Variants in PARD3B observed in about 807,000 individuals in gnomAD.
The protein encoded by PARD3B is partitioning defective 3 homolog B.
In PARD3B, 103 loss-of-function variants were observed where a neutral mutation model predicts 130.2. That is an observed-to-expected ratio of 0.79 (90% CI 0.67 to 0.93). The LOEUF (loss-of-function observed/expected upper bound fraction) is 0.93. PARD3B is among the 40% of genes least tolerant of loss of function. The pLI, the probability that PARD3B is intolerant of heterozygous loss-of-function variation, is 0.00. For synonymous variants in PARD3B, 583 were observed against 553.2 expected (o/e 1.05, Z -0.76); for missense variants, 1,609 against 1,499.2 (o/e 1.07, Z -1.21).
At chr2:204,969,849 G>A (rs896305251) in intron 3 of PARD3B, among the ~76,000 whole-genome samples, 2 of 152,116 alleles carry the variant, frequency 1.3e-5, no homozygotes, top group African/African-American at 4.8e-5. Context: ...TGGAGGTGGA[G>A]AAAATGTCTT....
chr2:205,576,939 T>C (rs1188524786), intron 22 of PARD3B, among the ~76,000 whole-genome samples: 3 of 152,206 alleles, frequency 2.0e-5, no homozygotes, highest in Non-Finnish European at 4.4e-5. Flanking sequence ...GGAATGTCTC[T>C]CCATTTATTT....
intron 2 of PARD3B, among the ~76,000 whole-genome samples, chr2:204,725,749 AAAAC>A (rs760712436): frequency 7.9e-5 from 12 of 152,222 alleles, no homozygotes; most frequent in South Asian, 2.1e-4. Context: ...TGAGACTTAA[AAAAC>A]AAACAAACAA....
chr2:205,425,652 A>G (rs10210768), intron 19 of PARD3B, among the ~76,000 whole-genome samples: 16,817 of 152,154 alleles, frequency 0.11, 1,340 homozygotes, highest in African/African-American at 0.23. Context: ...CCACCTAGAC[A>G]AAGAACCAGT....
chr2:205,539,448 G>A (rs1169320699), intron 21 of PARD3B, among the ~76,000 whole-genome samples: 2 of 152,056 alleles, frequency 1.3e-5, no homozygotes, highest in African/African-American at 4.8e-5. Context: ...AACCTTTTAG[G>A]TATCATCCTC....
intron 2 of PARD3B, among the ~76,000 whole-genome samples, chr2:204,916,656 G>A (rs540510882): frequency 1.3e-5 from 2 of 151,816 alleles, no homozygotes; most frequent in South Asian, 4.2e-4. Context: ...TTTTTTTTAT[G>A]ATAAAAAAGA....
At chr2:205,085,576 C>G (rs1701694304) in intron 4 of PARD3B, among the ~76,000 whole-genome samples, 1 of 151,516 alleles carries the variant, frequency 6.6e-6, no homozygotes, top group Non-Finnish European at 1.5e-5. Context: ...TGATTTTTTC[C>G]TTTAAACAAG....
chr2:204,845,669 A>G lies in PARD3B; in HGVS notation c.223-119483A>G, dbSNP rs563757965. ...TTTCTTTCAATTCTGAGAACCTTAC[A>G]TAGGAGACCCCAACCTCTACATAGG... On this transcript the variant is annotated intron_variant, in intron 2 of 22. Coordinates refer to ENST00000406610, the MANE Select transcript of PARD3B (RefSeq NM_001302769.2). Among the ~76,000 whole-genome samples, 15 of 152,210 alleles carry G rather than the reference A, an allele frequency of 9.9e-5. No individual in the cohort carries two copies. In the East Asian group the frequency reaches 2.5e-3, roughly 26 times the overall value.
At chr2:205,487,892 G>T (rs1392725217) in intron 20 of PARD3B, among the ~76,000 whole-genome samples, 1 of 152,226 alleles carries the variant, frequency 6.6e-6, no homozygotes, top group African/African-American at 2.4e-5. Context: ...AGGCGTGAGT[G>T]TGTGCGTATT....
intron 1 of PARD3B, among the ~76,000 whole-genome samples, chr2:204,549,687 A>G (rs775898898): frequency 1.3e-5 from 2 of 152,174 alleles, no homozygotes; most frequent in South Asian, 4.1e-4. Flanking sequence ...ATTGGATTTT[A>G]AACTCTTTTG....
chr2:204,655,215 A>G (rs1278158448), intron 1 of PARD3B, among the ~76,000 whole-genome samples: 1 of 151,914 alleles, frequency 6.6e-6, no homozygotes, highest in Non-Finnish European at 1.5e-5. Context: ...TTTTTGGAAA[A>G]CTCTGTCCAT....
intron 2 of PARD3B, among the ~76,000 whole-genome samples, chr2:204,838,349 A>AT (rs1553537667): frequency 2.2e-5 from 3 of 135,338 alleles, no homozygotes; most frequent in African/African-American, 5.4e-5. Flanking sequence ...TACCTGGCTA[A>AT]TGTGTGTGTG....
chr2:205,162,613 A>C (rs1167767867), intron 11 of PARD3B, among the ~76,000 whole-genome samples: 1 of 152,266 alleles, frequency 6.6e-6, no homozygotes, highest in East Asian at 1.9e-4. Flanking sequence ...TTCTGAAAGA[A>C]TTATGAGCAG....
chr2:205,168,310 A>AGTGTGT (rs1277372189), intron 11 of PARD3B, among the ~76,000 whole-genome samples: 3 of 117,548 alleles, frequency 2.6e-5, no homozygotes, highest in African/African-American at 6.0e-5. Flanking sequence ...AGAGAGAGAG[A>AGTGTGT]GAGAGAGAGA....
intron 2 of PARD3B, among the ~76,000 whole-genome samples, chr2:204,824,858 A>G (rs542646415): frequency 1.3e-5 from 2 of 152,288 alleles, no homozygotes; most frequent in East Asian, 3.9e-4. Flanking sequence ...GGCCCACCTA[A>G]GGGGAACAGA....
At chr2:205,375,657 TGA>T (rs921160622) in intron 18 of PARD3B, among the ~76,000 whole-genome samples, 11 of 151,696 alleles carry the variant, frequency 7.3e-5, no homozygotes, top group Non-Finnish European at 1.2e-4. Flanking sequence ...AGGATGGAAT[TGA>T]GAGAGAGAGA....
At chr2:205,234,269 G>C (rs980682362) in intron 15 of PARD3B, among the ~76,000 whole-genome samples, 5 of 152,128 alleles carry the variant, frequency 3.3e-5, no homozygotes, top group Admixed American at 2.0e-4. Context: ...ACAGTGAGCT[G>C]TGATCATGGC....
rs1183920866 is a variant in PARD3B, at chr2:205,142,098, T to G, written c.1434+16361T>G. On this transcript the variant is annotated intron_variant, in intron 10 of 22. Transcript: ENST00000406610. The surrounding 1 kb of genome is among the most constrained non-coding windows in gnomAD (Gnocchi z 4.3). ...AATAATAAATAACCATGATATAACG[T>G]GATTAGTGCTATGCTTTTATTATGT... Among the ~76,000 whole-genome samples, 1 of 152,126 alleles carries G rather than the reference T, an allele frequency of 6.6e-6. No individual in the cohort carries two copies. Among genetic ancestry groups the G allele is most frequent in the Non-Finnish European group, 1.5e-5 (1 of 68,028 alleles).
intron 1 of PARD3B, among the ~76,000 whole-genome samples, chr2:204,635,503 A>G (rs2034845132): frequency 6.6e-6 from 1 of 152,168 alleles, no homozygotes; most frequent in Admixed American, 6.6e-5. Context: ...GTTCCTCAGG[A>G]ATTAACATGG....
rs954577790 is a variant in PARD3B at position 205,122,975 on chromosome 2, C to T, written c.1165+1026C>T. Among the ~76,000 whole-genome samples, 4 of 152,078 alleles carry T rather than the reference C, an allele frequency of 2.6e-5. No homozygotes were observed. The highest frequency in any genetic ancestry group is 5.9e-5 in the Non-Finnish European group (4 of 68,000). On this transcript the variant is annotated intron_variant, in intron 8 of 22. Coordinates refer to ENST00000406610, the MANE Select transcript of PARD3B (RefSeq NM_001302769.2). The surrounding 1 kb of genome is among the most constrained non-coding windows in gnomAD (Gnocchi z 4.3). ...AAATGATCCAGCTGTGTGTAAGACA[C>T]AGATTTGGGTGTTTTGAATATAGAA...
Sources: gnomAD v4.1 joint callset for allele counts (sites outside exome capture counted in the v4.1 genomes callset) on GRCh38, gnomAD v4.1.1 for gene constraint, Gnocchi (gnomAD v3.1) non-coding constraint, MANE v1.5 for transcripts, NCBI Gene and HGNC (gene_info 2026-07-23, HGNC 2026-07-21) for gene names.